The following TENM3 variants were observed in gnomAD, a reference collection of about 807,000 sequenced individuals.
TENM3 encodes the protein teneurin transmembrane protein 3, also known as teneurin-3.
Under a neutral mutation model 255.1 loss-of-function variants are expected in TENM3, and 63 were observed. That is an observed-to-expected ratio of 0.25 (90% CI 0.20 to 0.30). TENM3 has a LOEUF of 0.30. TENM3 is among the 10% of genes least tolerant of loss of function. The pLI, the probability that TENM3 is intolerant of heterozygous loss-of-function variation, is 1.00. For synonymous variants in TENM3, 1,306 were observed against 1,322.3 expected (o/e 0.99, Z 0.27); for missense variants, 2,929 against 3,461.1 (o/e 0.85, Z 3.86).
the TENM3 span, chr4:181,975,957 C>G: frequency 6.6e-6 from 1 of 152,200 alleles, no homozygotes; most frequent in Non-Finnish European, 1.5e-5. Flanking sequence ...CGGCTACTCT[C>G]CTTGCTTCTA....
At chr4:182,014,172 A>ATATATATG in the TENM3 span, among the ~76,000 whole-genome samples, 1 of 144,058 alleles carries the variant, frequency 6.9e-6, no homozygotes, top group African/African-American at 2.5e-5. Context: ...ATATATATAC[A>ATATATATG]TATATATATG....
intron 1 of TENM3, among the ~76,000 whole-genome samples, chr4:182,216,006 GT>G (rs1245081477): frequency 6.6e-6 from 1 of 152,172 alleles, no homozygotes; most frequent in African/African-American, 2.4e-5. Flanking sequence ...TGGTCTCAAA[GT>G]TTATGGAGAA....
intron 4 of TENM3, among the ~76,000 whole-genome samples, chr4:182,607,182 G>T (rs1252503598): frequency 6.6e-6 from 1 of 152,188 alleles, no homozygotes; most frequent in Non-Finnish European, 1.5e-5. Context: ...CAGCCATTGT[G>T]AAGGGCACCT....
At chr4:182,090,401 A>AT in the TENM3 span, among the ~76,000 whole-genome samples, 2 of 152,138 alleles carry the variant, frequency 1.3e-5, no homozygotes, top group Admixed American at 1.3e-4. Flanking sequence ...AACAAAATGC[A>AT]TTTTTTAAAA....
intron 5 of TENM3, among the ~76,000 whole-genome samples, chr4:182,629,860 A>G (rs1211983647): frequency 6.6e-6 from 1 of 152,236 alleles, no homozygotes; most frequent in Non-Finnish European, 1.5e-5. Context: ...ATAATTATGC[A>G]CTTTGGAAAG....
chr4:181,596,040 G>C, the TENM3 span, among the ~76,000 whole-genome samples: 119 of 152,156 alleles, frequency 7.8e-4, no homozygotes, highest in African/African-American at 2.7e-3. Flanking sequence ...TCCTCACAAG[G>C]TCATAAGCAC....
the TENM3 span, among the ~76,000 whole-genome samples, chr4:181,902,326 G>A: frequency 5.3e-5 from 8 of 152,252 alleles, no homozygotes; most frequent in Non-Finnish European, 1.0e-4. Flanking sequence ...TCTGATGATA[G>A]TTTCTTTTGC....
chr4:181,533,551 A>T, the TENM3 span, among the ~76,000 whole-genome samples: 332 of 152,052 alleles, frequency 2.2e-3, no homozygotes, highest in African/African-American at 7.7e-3. Flanking sequence ...GAAGCCCCCA[A>T]CACCCGTTAT....
the TENM3 span, among the ~76,000 whole-genome samples, chr4:181,675,677 G>A: frequency 2.1e-4 from 32 of 152,138 alleles, 1 homozygote; most frequent in South Asian, 5.6e-3. Flanking sequence ...TGTGGCCATC[G>A]GGTAGAAAGC....
At chr4:181,463,104 T>C in the TENM3 span, among the ~76,000 whole-genome samples, 4 of 152,336 alleles carry the variant, frequency 2.6e-5, no homozygotes, top group Admixed American at 2.6e-4. Context: ...AAGACCTTTA[T>C]GGTCAGCAAA....
At chr4:181,497,756 C>A in the TENM3 span, among the ~76,000 whole-genome samples, 4 of 152,118 alleles carry the variant, frequency 2.6e-5, no homozygotes, top group African/African-American at 7.2e-5. Flanking sequence ...AACTTAATAA[C>A]CCCGCAAACT....
intron 3 of TENM3, among the ~76,000 whole-genome samples, chr4:182,440,462 C>T (rs1030718422): frequency 6.6e-6 from 1 of 152,086 alleles, no homozygotes; most frequent in African/African-American, 2.4e-5. Context: ...CACTTCACTC[C>T]ATTTCGTTTC....
At chr4:182,180,406 T>G (rs1752766764) in intron 1 of TENM3, among the ~76,000 whole-genome samples, 1 of 152,190 alleles carries the variant, frequency 6.6e-6, no homozygotes, top group African/African-American at 2.4e-5. Context: ...TTTGAAATCC[T>G]GCTTTGACAT....
At chr4:182,358,155 G>C (rs1276172881) in intron 3 of TENM3, among the ~76,000 whole-genome samples, 1 of 151,714 alleles carries the variant, frequency 6.6e-6, no homozygotes, top group Non-Finnish European at 1.5e-5. Flanking sequence ...GTAGCGTGAT[G>C]CCTCCAGCTT....
chr4:182,295,018 AC>A (rs1761374893), intron 1 of TENM3, among the ~76,000 whole-genome samples: 1 of 151,984 alleles, frequency 6.6e-6, no homozygotes, highest in South Asian at 2.1e-4. Context: ...GGCAGGGGCT[AC>A]AGTTTGACAT....
the TENM3 span, among the ~76,000 whole-genome samples, chr4:181,868,668 T>A: frequency 6.6e-6 from 1 of 152,230 alleles, no homozygotes; most frequent in Admixed American, 6.5e-5. Flanking sequence ...GATTGTCTTT[T>A]AGCATTGACT....
chr4:181,699,834 A>G, the TENM3 span, among the ~76,000 whole-genome samples: 2 of 152,248 alleles, frequency 1.3e-5, no homozygotes, highest in Non-Finnish European at 2.9e-5. Flanking sequence ...ACAATTAACG[A>G]AAGGCTGCCT....
intron 22 of TENM3, among the ~76,000 whole-genome samples, chr4:182,757,264 A>ATGG (rs1269801251): frequency 7.5e-6 from 1 of 133,850 alleles, no homozygotes; most frequent in Non-Finnish European, 1.6e-5. Context: ...GTGAGCTGAG[A>ATGG]TGGTGCCACT....
At chr4:181,688,146 T>C in the TENM3 span, among the ~76,000 whole-genome samples, 23 of 152,122 alleles carry the variant, frequency 1.5e-4, no homozygotes, top group African/African-American at 5.6e-4. Context: ...TTTGGACAAA[T>C]AAATTCCATA....
Sources: allele counts gnomAD v4.1 joint callset (sites outside exome capture counted in the v4.1 genomes callset), GRCh38; gene constraint gnomAD v4.1.1; transcripts MANE v1.5; gene names NCBI Gene and HGNC (gene_info 2026-07-23, HGNC 2026-07-21).